KIAA0930: variants seen among roughly 807,000 people sequenced by gnomAD.
KIAA0930 encodes the protein KIAA0930.
A neutral mutation model predicts 43.9 loss-of-function variants in KIAA0930; 24 were observed. The ratio of observed to expected loss-of-function variants is 0.55; its 90% CI spans 0.40 to 0.77. The LOEUF (loss-of-function observed/expected upper bound fraction) is 0.77. KIAA0930 is among the 30% of genes least tolerant of loss of function. KIAA0930 has a pLI of 0.00. For synonymous variants in KIAA0930, 259 were observed against 216.4 expected (o/e 1.20, Z -1.73); for missense variants, 461 against 574.2 (o/e 0.80, Z 2.02).
At chr22:45,197,749 G>T in intron 9 of KIAA0930, 41 bp downstream of exon 9, 1 of 1,607,726 alleles carries the variant, frequency 6.2e-7, no homozygotes, top group Non-Finnish European at 8.5e-7. Flanking sequence ...AGAGCTGGCT[G>T]TGAGAAGGTG....
chr22:45,237,175 G>C (rs2083892873), intron 1 of KIAA0930, among the ~76,000 whole-genome samples: 1 of 152,258 alleles, frequency 6.6e-6, no homozygotes, highest in South Asian at 2.1e-4. Context: ...GAATCACCTG[G>C]TTCATCTGTG....
At position 45,205,916 on chromosome 22, in the gene KIAA0930, C is replaced by A. The variant is rs753086453; in HGVS notation, c.217-4G>T. The A allele has an allele frequency of 4.3e-6, 7 of 1,612,304 alleles. No homozygotes were observed. Among genetic ancestry groups the A allele is most frequent in the African/African-American group, 4.0e-5 (3 of 74,904 alleles). On this transcript the variant is annotated splice_polypyrimidine_tract_variant and splice_region_variant and intron_variant, in intron 2 of 9. Coordinates refer to ENST00000336156, the MANE Select transcript of KIAA0930 (RefSeq NM_001009880.2). The stretch of plus-strand genomic sequence containing the variant: ...CCTCCACCTCAGGCTCAGCTGCCTG[C>A]GAGGCCCAGAGCAGAAGTGAGTGCC...
At chr22:45,199,780 A>AAATG in intron 8 of KIAA0930, 93 bp downstream of exon 8, 2 of 1,272,814 alleles carry the variant, frequency 1.6e-6, no homozygotes, top group Non-Finnish European at 2.1e-6. Context: ...CTGAATGAAC[A>AAATG]AATGAATGAA....
chr22:45,211,602 G>A (rs2083693899), intron 2 of KIAA0930, among the ~76,000 whole-genome samples: 1 of 152,214 alleles, frequency 6.6e-6, no homozygotes, highest in African/African-American at 2.4e-5. Context: ...GGCCAAGGGA[G>A]GGCCCTGGGC....
rs1419135469 is a variant in KIAA0930 at position 45,196,378 on chromosome 22, A to G, written c.*798T>C. The stretch of plus-strand genomic sequence containing the variant: ...ATGCCAGCCCCACCCCACATCAGAC[A>G]CCCTTTGGCAGATATCCTGTTCTGC... On this transcript the variant is annotated 3_prime_UTR_variant, in exon 10 of 10. Coordinates refer to ENST00000336156, the MANE Select transcript of KIAA0930 (RefSeq NM_001009880.2). The surrounding 1 kb of genome is among the most constrained non-coding windows in gnomAD (Gnocchi z 4.1). The G allele has an allele frequency of 6.6e-6, 1 of 152,486 alleles. No homozygotes were observed. The highest frequency in any genetic ancestry group is 1.5e-5 in the Non-Finnish European group (1 of 68,036). 9.4% of individuals were successfully genotyped at this position (152,486 alleles called of 1,614,324 possible).
chr22:45,224,252 G>A (rs1488030027), intron 1 of KIAA0930, among the ~76,000 whole-genome samples: 5 of 152,180 alleles, frequency 3.3e-5, no homozygotes, highest in African/African-American at 7.2e-5. Flanking sequence ...GGAATTACAC[G>A]CACATGCCCA....
intron 2 of KIAA0930, among the ~76,000 whole-genome samples, chr22:45,208,116 C>A (rs1043077986): frequency 6.6e-6 from 1 of 152,194 alleles, no homozygotes; most frequent in East Asian, 1.9e-4. Context: ...CAAGAGGACA[C>A]TGGGAGCTGC....
chr22:45,229,501 C>A (rs1229967982), intron 1 of KIAA0930, among the ~76,000 whole-genome samples: 1 of 152,120 alleles, frequency 6.6e-6, no homozygotes, highest in Non-Finnish European at 1.5e-5. Flanking sequence ...AGGAGCCACA[C>A]ACGAGGGACT....
At chr22:45,202,930 A>T in intron 7 of KIAA0930, 60 bp downstream of exon 7, 1 of 1,407,824 alleles carries the variant, frequency 7.1e-7, no homozygotes, top group Non-Finnish European at 9.7e-7. Context: ...AGCACGGGGG[A>T]GACGGTGGAA....
chr22:45,240,018 T>C (rs549852808), intron 1 of KIAA0930, among the ~76,000 whole-genome samples: 1 of 151,492 alleles, frequency 6.6e-6, no homozygotes, highest in East Asian at 2.0e-4. Context: ...AGCAGATCCA[T>C]GACTTAAAGC....
At chr22:45,205,938 T>TGCCCAGG (rs1289294634) in intron 2 of KIAA0930, 26 bp from the exon 3 acceptor site, 1 of 1,610,286 alleles carries the variant, frequency 6.2e-7, no homozygotes, top group East Asian at 2.2e-5. Flanking sequence ...CAGAAGTGAG[T>TGCCCAGG]GCCCAGGGCC....
intron 7 of KIAA0930, chr22:45,202,649 C>T (rs2083599089): frequency 4.6e-6 from 1 of 217,696 alleles, no homozygotes; most frequent in South Asian, 1.3e-4. Flanking sequence ...CAGCCAGTCT[C>T]TTCTGCCCAC....
intron 1 of KIAA0930, chr22:45,212,400 G>A: frequency 6.4e-7 from 1 of 1,568,878 alleles, no homozygotes; most frequent in Non-Finnish European, 8.7e-7. Context: ...AGCAGCTTCG[G>A]AGGAAAAGGA....
chr22:45,239,610 G>C (rs1187939300), intron 1 of KIAA0930, among the ~76,000 whole-genome samples: 1 of 152,154 alleles, frequency 6.6e-6, no homozygotes, highest in East Asian at 1.9e-4. Flanking sequence ...CTGAATGCCT[G>C]GGACTGCCAT....
At chr22:45,216,842 T>G (rs1017344058) in intron 1 of KIAA0930, among the ~76,000 whole-genome samples, 4 of 152,080 alleles carry the variant, frequency 2.6e-5, no homozygotes, top group Non-Finnish European at 4.4e-5. Context: ...TGGTAGCACC[T>G]CGGACAGCTC....
Position 45,197,626 on chromosome 22 carries a change from T to TCCAC in KIAA0930, c.1174+160_1174+163dup, listed in dbSNP as rs1158607925. On this transcript the variant is annotated intron_variant, in intron 9 of 9. Transcript: ENST00000336156. ...ACTTCAGCTCTGGGAAAGCTACGGC[T>TCCAC]CCACCCAAAGTCTGAGACAAAGAGG... Among the ~76,000 whole-genome samples the TCCAC allele has an allele frequency of 2.0e-5, 3 of 152,210 alleles. No individual in the cohort carries two copies. In the East Asian group the frequency reaches 5.8e-4, roughly 29 times the overall value.
chr22:45,205,371 C>G, intron 4 of KIAA0930, 53 bp from the exon 5 acceptor site: 1 of 1,511,478 alleles, frequency 6.6e-7, no homozygotes, highest in Non-Finnish European at 9.2e-7. Flanking sequence ...GCACACAGGC[C>G]CAGAGCCAGT....
rs1555899122 is a variant in KIAA0930, at chr22:45,212,478, T to TC, written c.65-372_65-371insG. 1.9e-4 allele frequency: 269 copies of TC among 1,442,162 alleles called. 1 individual carries two copies. The highest frequency in any genetic ancestry group is 2.6e-4 in the Middle Eastern group (1 of 3,914). The allele number at this position is 1,442,162 out of a possible 1,614,324, so 89.3% of individuals were successfully genotyped here. A position where few individuals can be genotyped will look rare whatever the true frequency, so the allele number is the denominator to read the frequency against. ...GGGCTGGAAGCCGGGAAGGCTTGGCTGGGGGGGAGCCTTTGGAGAGGCAGG... is the reference window on the plus strand; with the variant it reads ...GGGCTGGAAGCCGGGAAGGCTTGGCTCGGGGGGGAGCCTTTGGAGAGGCAGG... On this transcript the variant is annotated intron_variant, in intron 1 of 9. Coordinates refer to ENST00000336156, the MANE Select transcript of KIAA0930 (RefSeq NM_001009880.2).
At chr22:45,231,401 C>CA (rs1197628853) in intron 1 of KIAA0930, among the ~76,000 whole-genome samples, 1 of 151,986 alleles carries the variant, frequency 6.6e-6, no homozygotes, top group African/African-American at 2.4e-5. Context: ...AGATAGTTTT[C>CA]ACCTCCTACA....
Sources: allele counts gnomAD v4.1 joint callset (sites outside exome capture counted in the v4.1 genomes callset), GRCh38; gene constraint gnomAD v4.1.1; non-coding constraint Gnocchi (gnomAD v3.1); transcripts MANE v1.5; gene names NCBI Gene and HGNC (gene_info 2026-07-23, HGNC 2026-07-21).